PDE11A: variants seen among roughly 807,000 people sequenced by gnomAD.
PDE11A encodes dual 3',5'-cyclic-AMP and -GMP phosphodiesterase 11A.
PDE11A carries 100 observed loss-of-function variants against 100.5 expected under a neutral mutation model. That is an observed-to-expected ratio of 1.00 (90% CI 0.85 to 1.18). PDE11A has a LOEUF of 1.18. Ranked by LOEUF, PDE11A falls within the 50% of genes most tolerant of loss-of-function variation. PDE11A has a pLI of 0.00. For missense variants in PDE11A, 1,141 were observed against 1,152.6 expected, an observed-to-expected ratio of 0.99 and a Z score of 0.15; for synonymous variants, 381 against 420.8, an observed-to-expected ratio of 0.91 and a Z score of 1.16.
chr2:177,797,773 C>G (rs185130569), intron 9 of PDE11A, among the ~76,000 whole-genome samples: 1 of 152,214 alleles, frequency 6.6e-6, no homozygotes, highest in East Asian at 1.9e-4. Context: ...TGGAAAACCA[C>G]AAAAATCATT....
chr2:177,639,940 A>G (rs2080114296), intron 19 of PDE11A, among the ~76,000 whole-genome samples: 2 of 152,226 alleles, frequency 1.3e-5, no homozygotes, highest in African/African-American at 4.8e-5. Context: ...CAACGGTGTC[A>G]TTAATATATT....
At chr2:178,074,229 C>T (rs957063705), upstream of PDE11A, among the ~76,000 whole-genome samples, 7 of 151,498 alleles carry the variant, frequency 4.6e-5, no homozygotes, top group Admixed American at 1.3e-4. Flanking sequence ...AAGTGGGTGA[C>T]GCTAATGTGT....
At chr2:177,684,047 T>G (rs546447332) in intron 15 of PDE11A, among the ~76,000 whole-genome samples, 2 of 152,360 alleles carry the variant, frequency 1.3e-5, no homozygotes, top group Admixed American at 1.3e-4. Context: ...CAAATTGGAC[T>G]AACTGGACTA....
At chr2:177,955,689 ATGG>A (rs2085552759) in intron 2 of PDE11A, among the ~76,000 whole-genome samples, 2 of 152,202 alleles carry the variant, frequency 1.3e-5, no homozygotes, top group South Asian at 4.1e-4. Flanking sequence ...CCAAAACAGC[ATGG>A]TACTGGTATC....
chr2:177,807,770 T>TTACACTTAG (rs1258658588), intron 9 of PDE11A, among the ~76,000 whole-genome samples: 1 of 152,176 alleles, frequency 6.6e-6, no homozygotes, highest in Non-Finnish European at 1.5e-5. Context: ...TGTATATGGG[T>TTACACTTAG]TACACTTAGT....
At chr2:177,906,197 G>T (rs1369688658) in intron 2 of PDE11A, among the ~76,000 whole-genome samples, 1 of 145,002 alleles carries the variant, frequency 6.9e-6, no homozygotes, top group East Asian at 1.9e-4. Flanking sequence ...ACGCACGCAC[G>T]CACGCACACA....
At chr2:177,845,293 A>AGG (rs1290955731) in intron 5 of PDE11A, among the ~76,000 whole-genome samples, 6 of 144,744 alleles carry the variant, frequency 4.1e-5, no homozygotes, top group Non-Finnish European at 9.0e-5. Flanking sequence ...TGCCAGGCAG[A>AGG]GGGTCTCCTC....
intron 9 of PDE11A, among the ~76,000 whole-genome samples, chr2:177,772,348 A>C (rs1183534842): frequency 1.3e-5 from 2 of 152,210 alleles, no homozygotes; most frequent in Non-Finnish European, 2.9e-5. Context: ...TACATGTAAA[A>C]TAATGTGGCA....
chr2:177,748,722 T>C (rs557650926), intron 10 of PDE11A, among the ~76,000 whole-genome samples: 1 of 152,286 alleles, frequency 6.6e-6, no homozygotes, highest in Non-Finnish European at 1.5e-5. Context: ...TACTAGTAAA[T>C]CCTGATGTTG....
At chr2:177,688,699 C>T (rs1156401296) in intron 15 of PDE11A, among the ~76,000 whole-genome samples, 1 of 152,190 alleles carries the variant, frequency 6.6e-6, no homozygotes, top group Non-Finnish European at 1.5e-5. Context: ...TTTTATTAGG[C>T]TTTCATCCTG....
intron 1 of PDE11A, among the ~76,000 whole-genome samples, chr2:178,052,369 T>G (rs1334640474): frequency 1.3e-5 from 2 of 152,178 alleles, no homozygotes; most frequent in Non-Finnish European, 2.9e-5. Context: ...AAGCAGTGTG[T>G]AGAGGGAAAT....
intron 4 of PDE11A, among the ~76,000 whole-genome samples, chr2:177,883,650 G>A (rs375712497): frequency 1.3e-5 from 2 of 152,166 alleles, no homozygotes; most frequent in African/African-American, 4.8e-5. Flanking sequence ...GTTCGTTCTG[G>A]GAGAAAATAG....
chr2:178,006,342 G>A (rs889091674), intron 2 of PDE11A, among the ~76,000 whole-genome samples: 1 of 152,108 alleles, frequency 6.6e-6, no homozygotes, highest in Non-Finnish European at 1.5e-5. Context: ...AAAGAAAGGT[G>A]GAAATGAGAA....
At chr2:177,788,651 T>G (rs1270346057) in intron 9 of PDE11A, among the ~76,000 whole-genome samples, 10 of 150,208 alleles carry the variant, frequency 6.7e-5, no homozygotes, top group African/African-American at 2.4e-4. Context: ...GCAAGACTAA[T>G]AAAGAAAAAA....
intron 17 of PDE11A, among the ~76,000 whole-genome samples, chr2:177,670,045 C>T (rs546715530): frequency 1.1e-4 from 16 of 152,180 alleles, no homozygotes; most frequent in Non-Finnish European, 1.9e-4. Flanking sequence ...CAACTCCCTC[C>T]CTACCAATAT....
chr2:177,868,149 G>C (rs566730563), intron 5 of PDE11A, among the ~76,000 whole-genome samples: 1 of 152,266 alleles, frequency 6.6e-6, no homozygotes, highest in East Asian at 1.9e-4. Context: ...GAAAATAAAA[G>C]TCAATAAGGC....
chr2:177,697,353 G>A lies in PDE11A; in HGVS notation c.2324C>T (p.Thr775Ile), dbSNP rs758078572. ...MQLLKQSILA[T>I]DLTLYFERRT... is the part of the protein sequence containing the mutation. ...CTACTCAAAGTACAGCGTGAGGTCT[G>A]TTGCCAATATTGACTGCTTCAAAAG... is the stretch of plus-strand genomic sequence containing the variant. The change falls in exon 15 of 20, where the codon ACA becomes ATA. Residue 775 changes from threonine to isoleucine, a missense_variant. Thr to Ile is a moderately conservative substitution (Grantham distance 89, BLOSUM62 -1). Transcript: ENST00000286063. 6.3e-7 allele frequency: 1 copy of A among 1,579,148 alleles called. No homozygotes were observed. The highest frequency in any genetic ancestry group is 1.1e-5 in the South Asian group (1 of 90,406).
At chr2:177,920,568 T>G (rs1031637297) in intron 2 of PDE11A, among the ~76,000 whole-genome samples, 1 of 152,162 alleles carries the variant, frequency 6.6e-6, no homozygotes, top group Non-Finnish European at 1.5e-5. Context: ...ATATAATTAT[T>G]GAGGGAGATT....
chr2:177,983,896 T>G (rs1263742273), intron 2 of PDE11A, among the ~76,000 whole-genome samples: 1 of 152,228 alleles, frequency 6.6e-6, no homozygotes, highest in Non-Finnish European at 1.5e-5. Flanking sequence ...AAAAGTGACC[T>G]TCTAGATGAA....
Sources: gnomAD v4.1 joint callset for allele counts (sites outside exome capture counted in the v4.1 genomes callset) on GRCh38, gnomAD v4.1.1 for gene constraint, MANE v1.5 for transcripts, NCBI Gene and HGNC (gene_info 2026-07-23, HGNC 2026-07-21) for gene names.